Variants in GRM7 observed in about 807,000 individuals in gnomAD.
The protein encoded by GRM7 is glutamate metabotropic receptor 7, also known as metabotropic glutamate receptor 7.
A neutral mutation model predicts 84.5 loss-of-function variants in GRM7; 35 were observed. The ratio of observed to expected loss-of-function variants is 0.41; its 90% CI spans 0.32 to 0.55. The LOEUF (loss-of-function observed/expected upper bound fraction) is 0.55, where lower values mean the gene tolerates loss of function less well. Among genes scored for constraint, GRM7 ranks in the 20% least tolerant of loss-of-function variants. The pLI is 0.19. For missense variants in GRM7, 1,003 were observed against 1,194.6 expected, an observed-to-expected ratio of 0.84 and a Z score of 2.36; for synonymous variants, 487 against 455.1, an observed-to-expected ratio of 1.07 and a Z score of -0.89.
intron 9 of GRM7, among the ~76,000 whole-genome samples, chr3:7,727,825 C>T (rs1013479483): frequency 8.5e-5 from 13 of 152,140 alleles, no homozygotes; most frequent in Admixed American, 2.0e-4. Flanking sequence ...ATCCTAGGTC[C>T]CAACCTTTCC....
intron 7 of GRM7, among the ~76,000 whole-genome samples, chr3:7,554,277 A>C (rs2125029070): frequency 6.6e-6 from 1 of 152,326 alleles, no homozygotes; most frequent in South Asian, 2.1e-4. Flanking sequence ...TAGCCACATC[A>C]CACTGGGGAG....
At chr3:7,420,897 A>T (rs1402951853) in intron 5 of GRM7, among the ~76,000 whole-genome samples, 1 of 152,182 alleles carries the variant, frequency 6.6e-6, no homozygotes, top group Non-Finnish European at 1.5e-5. Flanking sequence ...ACCAATTAAT[A>T]TAGGATTCTT....
chr3:6,916,811 A>G (rs1019433721), intron 1 of GRM7, among the ~76,000 whole-genome samples: 2 of 151,884 alleles, frequency 1.3e-5, no homozygotes, highest in African/African-American at 4.8e-5. Flanking sequence ...TTTTTTTTTC[A>G]TTCAGAACCT....
At chr3:6,897,087 G>A (rs1443726740) in intron 1 of GRM7, among the ~76,000 whole-genome samples, 1 of 152,156 alleles carries the variant, frequency 6.6e-6, no homozygotes, top group Non-Finnish European at 1.5e-5. Flanking sequence ...TGGCTGAATT[G>A]AATTACATTT....
chr3:7,206,471 T>A (rs1337846407), intron 2 of GRM7, among the ~76,000 whole-genome samples: 2 of 152,138 alleles, frequency 1.3e-5, no homozygotes, highest in East Asian at 3.8e-4. Context: ...GGAAAGGAAA[T>A]CAAGTATTGT....
At chr3:7,184,185 G>C (rs1337967201) in intron 2 of GRM7, among the ~76,000 whole-genome samples, 2 of 152,090 alleles carry the variant, frequency 1.3e-5, no homozygotes, top group South Asian at 2.1e-4. Flanking sequence ...ATACTATGTA[G>C]CATACTTTTA....
At chr3:6,944,226 G>A (rs1697983317) in intron 1 of GRM7, among the ~76,000 whole-genome samples, 1 of 152,012 alleles carries the variant, frequency 6.6e-6, no homozygotes, top group Non-Finnish European at 1.5e-5. Context: ...AATAGAAGTG[G>A]CAAGAAAAGA....
intron 1 of GRM7, among the ~76,000 whole-genome samples, chr3:6,924,565 A>G (rs188264114): frequency 2.0e-5 from 3 of 152,154 alleles, no homozygotes; most frequent in Admixed American, 6.5e-5. Context: ...AACTCTACAT[A>G]TGTTAAGATA....
chr3:7,670,045 C>CTGT lies in GRM7; in HGVS notation c.2452-10001_2452-9999dup, dbSNP rs1373629665. On this transcript the variant is annotated intron_variant, in intron 8 of 9. Coordinates refer to ENST00000357716, the MANE Select transcript of GRM7 (RefSeq NM_000844.4). ...GCAATTCAACTAGCCTAGGTTCCAG[C>CTGT]TGTTGAAGTGATTTGCCCATCATCC... Among the ~76,000 whole-genome samples, 17 of 146,976 alleles carry CTGT rather than the reference C, an allele frequency of 1.2e-4. 1 individual carries two copies. The highest frequency in any genetic ancestry group is 4.1e-4 in the African/African-American group (15 of 36,492).
intron 6 of GRM7, among the ~76,000 whole-genome samples, chr3:7,461,296 T>TATGCATTA (rs1698237226): frequency 6.6e-6 from 1 of 152,204 alleles, no homozygotes; most frequent in Non-Finnish European, 1.5e-5. Flanking sequence ...ATATAGGTTT[T>TATGCATTA]ATTCCTCAGA....
chr3:7,271,136 G>T (rs1364455731), intron 2 of GRM7, among the ~76,000 whole-genome samples: 4 of 152,126 alleles, frequency 2.6e-5, no homozygotes, highest in Admixed American at 2.6e-4. Context: ...CTATTTTTAA[G>T]CTAAGAATAA....
chr3:7,383,591 C>G (rs544130724), intron 4 of GRM7, among the ~76,000 whole-genome samples: 53 of 152,178 alleles, frequency 3.5e-4, no homozygotes, highest in Non-Finnish European at 6.5e-4. Context: ...GACTAACAAA[C>G]TTTAGTATAT....
chr3:7,430,822 G>A (rs1360233026), intron 5 of GRM7, among the ~76,000 whole-genome samples: 1 of 152,184 alleles, frequency 6.6e-6, no homozygotes, highest in Non-Finnish European at 1.5e-5. Flanking sequence ...GGAGTATAGG[G>A]AAGTTTGCTT....
intron 5 of GRM7, among the ~76,000 whole-genome samples, chr3:7,440,343 C>T (rs573042831): frequency 3.0e-4 from 46 of 152,208 alleles, no homozygotes; most frequent in South Asian, 1.0e-3. Flanking sequence ...CTGGAAGTAA[C>T]GCAACATTTC....
intron 2 of GRM7, among the ~76,000 whole-genome samples, chr3:7,196,113 A>G (rs777183645): frequency 1.3e-5 from 2 of 152,102 alleles, no homozygotes; most frequent in Non-Finnish European, 2.9e-5. Flanking sequence ...TAACAAGTTC[A>G]AACCTGCTGA....
At chr3:6,994,277 G>T (rs1694753482) in intron 1 of GRM7, among the ~76,000 whole-genome samples, 1 of 152,184 alleles carries the variant, frequency 6.6e-6, no homozygotes, top group Admixed American at 6.5e-5. Context: ...AAGGAGCAAT[G>T]TGGGTAGAGA....
At chr3:7,530,711 T>C (rs1701004818) in intron 7 of GRM7, among the ~76,000 whole-genome samples, 1 of 152,210 alleles carries the variant, frequency 6.6e-6, no homozygotes, top group Non-Finnish European at 1.5e-5. Flanking sequence ...TGGGCTTTTT[T>C]TCATATGTTT....
At chr3:7,493,261 G>A (rs1456034403) in intron 7 of GRM7, among the ~76,000 whole-genome samples, 1 of 151,980 alleles carries the variant, frequency 6.6e-6, no homozygotes, top group Non-Finnish European at 1.5e-5. Context: ...AACAGGAAAT[G>A]TTGAACTCTT....
intron 4 of GRM7, among the ~76,000 whole-genome samples, chr3:7,344,077 T>A (rs1692776937): frequency 6.6e-6 from 1 of 151,768 alleles, no homozygotes; most frequent in Admixed American, 6.6e-5. Context: ...TAATTGTGTA[T>A]TCATCAAATC....
Sources: allele counts gnomAD v4.1 joint callset (sites outside exome capture counted in the v4.1 genomes callset), GRCh38; gene constraint gnomAD v4.1.1; transcripts MANE v1.5; gene names NCBI Gene and HGNC (gene_info 2026-07-23, HGNC 2026-07-21).